Variants in RADX observed in about 807,000 individuals in gnomAD.
RADX encodes the protein RPA1 related single stranded DNA binding protein, X-linked, also known as RPA-related protein RADX.
In RADX, 36 loss-of-function variants were observed where a neutral mutation model predicts 61.6. The ratio of observed to expected loss-of-function variants is 0.58; its 90% CI spans 0.45 to 0.77. RADX has a LOEUF of 0.77. Among genes scored for constraint, RADX ranks in the 30% least tolerant of loss-of-function variants. The pLI, the probability that RADX is intolerant of heterozygous loss-of-function variation, is 0.00. For missense variants in RADX, 497 were observed against 651.1 expected, an observed-to-expected ratio of 0.76 and a Z score of 2.58; for synonymous variants, 272 against 237.9, an observed-to-expected ratio of 1.14 and a Z score of -1.32.
intron 3 of RADX, among the ~76,000 whole-genome samples, chrX:106,626,606 C>A (rs1927079513): frequency 8.9e-6 from 1 of 111,982 alleles, no homozygotes; most frequent in African/African-American, 3.2e-5. Flanking sequence ...AATGGAAACT[C>A]TCTAAGGTAT....
intron 12 of RADX, among the ~76,000 whole-genome samples, 170 bp downstream of exon 12, chrX:106,662,475 T>C (rs1928124414): frequency 9.0e-6 from 1 of 111,227 alleles, no homozygotes; most frequent in African/African-American, 3.3e-5. Flanking sequence ...AATGAAGCTC[T>C]AATTGTGTGC....
At chrX:106,675,849 T>C in intron 13 of RADX, among the ~76,000 whole-genome samples, 1 of 112,140 alleles carries the variant, frequency 8.9e-6, no homozygotes, top group Admixed American at 9.5e-5. Context: ...TTTCCTTAAG[T>C]AAAGATTATC....
rs761156222 is a variant in RADX, at chrX:106,622,679, TG to T, written c.673del (p.Glu225LysfsTer2). Reference sequence around the variant, plus strand: ...CCAAAATAATTTCCCTTTCTCATCTTGAAATGACCTGGACTAACAGAAGAAA... The same window carrying T: ...CCAAAATAATTTCCCTTTCTCATCTTAAATGACCTGGACTAACAGAAGAAA... The part of the protein sequence containing the change: ...DTKIISLSHL[E>X]MTWTNRRNFP... On this transcript the variant is annotated frameshift_variant, in exon 2 of 14. Transcript: ENST00000372548. LOFTEE classifies it high-confidence loss of function. 8.7e-7 allele frequency: 1 copy of T among 1,151,448 alleles called. No individual in the cohort carries two copies. The highest frequency in any genetic ancestry group is 3.0e-5 in the East Asian group (1 of 33,277). 94.9% of individuals were successfully genotyped at this position (1,151,448 alleles called of 1,213,427 possible).
At chrX:106,674,490 G>C (rs1256869820) in intron 13 of RADX, among the ~76,000 whole-genome samples, 2 of 111,802 alleles carry the variant, frequency 1.8e-5, no homozygotes, top group Non-Finnish European at 3.8e-5. Context: ...TTTAACAACA[G>C]CGATCCTAAT....
chrX:106,624,151 T>C (rs1342288412), intron 2 of RADX, among the ~76,000 whole-genome samples: 1 of 111,721 alleles, frequency 9.0e-6, no homozygotes, highest in Non-Finnish European at 1.9e-5. Context: ...TCACTTCTCA[T>C]CAGATTGGCA....
chrX:106,666,312 A>T (rs1270715937), intron 12 of RADX, among the ~76,000 whole-genome samples: 1 of 112,090 alleles, frequency 8.9e-6, no homozygotes. Context: ...TCATCTCCTC[A>T]ATTTTCATTT....
intron 3 of RADX, among the ~76,000 whole-genome samples, chrX:106,630,353 A>C (rs113243317): frequency 0.054 from 5,997 of 110,037 alleles, 405 homozygotes; most frequent in African/African-American, 0.19. Flanking sequence ...AACAAAAAAA[A>C]AAAAAAACAC....
chrX:106,625,364 A>C, intron 3 of RADX, 82 bp downstream of exon 3: 1 of 621,196 alleles, frequency 1.6e-6, no homozygotes, highest in Non-Finnish European at 2.3e-6. Flanking sequence ...AAAAAAGACC[A>C]CAAAAATTAC....
chrX:106,620,620 C>G (rs6622097), intron 1 of RADX, among the ~76,000 whole-genome samples: 11,973 of 109,925 alleles, frequency 0.11, 1,643 homozygotes, highest in African/African-American at 0.38. Flanking sequence ...GTTGCAGTGA[C>G]CTGAGATCAC....
chrX:106,616,013 A>G (rs936048706), intron 1 of RADX, among the ~76,000 whole-genome samples: 6 of 111,607 alleles, frequency 5.4e-5, no homozygotes, highest in Non-Finnish European at 1.1e-4. Flanking sequence ...CTGTACTTAC[A>G]GAAATTATAT....
At chrX:106,636,711 C>T (rs1927367537) in intron 7 of RADX, 64 bp downstream of exon 7, 1 of 558,026 alleles carries the variant, frequency 1.8e-6, no homozygotes, top group African/African-American at 2.4e-5. Flanking sequence ...TCCTTCAGTA[C>T]ATATTAACTT....
At chrX:106,652,531 ACATTCCACTAAGAATACAGTAACAAT>A (rs2147631972) in intron 11 of RADX, among the ~76,000 whole-genome samples, 1 of 110,583 alleles carries the variant, frequency 9.0e-6, no homozygotes, top group African/African-American at 3.3e-5. Context: ...TGATAAATGG[ACATTCCACTAAGAATACAGTAACAAT>A]CATGAATGTG....
Position 106,628,167 on chromosome X carries a change from A to G in RADX, c.979+2885A>G, listed in dbSNP as rs1045999418. ...TGATTAGTTATCTTTTAAAGAGAAA[A>G]AAAAAGGCAGTTATGTAAATCATGT... On this transcript the variant is annotated intron_variant, in intron 3 of 13. Coordinates refer to ENST00000372548, the MANE Select transcript of RADX (RefSeq NM_018015.6). 9.9e-4 allele frequency among the ~76,000 whole-genome samples: 111 copies of G among 111,938 alleles called. 1 individual carries two copies. Among genetic ancestry groups the G allele is most frequent in the African/African-American group, 3.4e-3 (106 of 30,851 alleles).
At chrX:106,625,445 A>G (rs996535736) in intron 3 of RADX, among the ~76,000 whole-genome samples, 163 bp downstream of exon 3, 11 of 111,899 alleles carry the variant, frequency 9.8e-5, no homozygotes, top group Non-Finnish European at 1.7e-4. Flanking sequence ...CACATAACCT[A>G]ATAAATATAC....
chrX:106,672,603 G>A (rs1272433097), intron 13 of RADX, among the ~76,000 whole-genome samples: 2 of 111,466 alleles, frequency 1.8e-5, no homozygotes, highest in Admixed American at 9.5e-5. Flanking sequence ...CTCTGAGTCT[G>A]GCCCAAGGCC....
At chrX:106,636,747 A>T in intron 7 of RADX, 100 bp downstream of exon 7, 1 of 413,034 alleles carries the variant, frequency 2.4e-6, no homozygotes, top group Non-Finnish European at 4.0e-6. Context: ...CAACTACAAG[A>T]TAGCTTTATT....
Position 106,636,626 on chromosome X carries a change from G to C in RADX, c.1387G>C (p.Glu463Gln). 6.0e-6 allele frequency: 7 copies of C among 1,164,396 alleles called. No homozygotes were observed. Among genetic ancestry groups the C allele is most frequent in the Non-Finnish European group, 8.2e-6 (7 of 855,388 alleles). ...PKLLYLTTTN[E>Q]SGVFITGHRG... is the part of the protein sequence containing the mutation. ...GCTGCTTTACCTCACCACTACAAAT[G>C]AGAGTGGAGTGTTTATTACTGGTGA... is the stretch of plus-strand genomic sequence containing the variant. The change falls in exon 7 of 14, where the codon GAG becomes CAG. Residue 463 changes from glutamate (E) to glutamine (Q), a missense_variant. Physicochemically the swap from Glu to Gln is conservative, Grantham distance 29. This residue lies in a region of RADX where 267 missense variants were observed against 306.9 expected (regional missense o/e 0.87). Coordinates refer to ENST00000372548, the MANE Select transcript of RADX (RefSeq NM_018015.6).
chrX:106,656,909 A>G (rs1210066224), intron 11 of RADX, among the ~76,000 whole-genome samples: 1 of 111,927 alleles, frequency 8.9e-6, no homozygotes, highest in Non-Finnish European at 1.9e-5. Flanking sequence ...GTAAATGAGC[A>G]TTGGTTTCAA....
chrX:106,616,802 A>G (rs995094796), intron 1 of RADX, among the ~76,000 whole-genome samples: 3 of 110,401 alleles, frequency 2.7e-5, no homozygotes, highest in Non-Finnish European at 5.7e-5. Flanking sequence ...TGTTGTGATA[A>G]CTTAATGTGC....
Sources: allele counts gnomAD v4.1 joint callset (sites outside exome capture counted in the v4.1 genomes callset), GRCh38; gene constraint gnomAD v4.1.1; regional missense constraint gnomAD v4.1.1; transcripts MANE v1.5; gene names NCBI Gene and HGNC (gene_info 2026-07-23, HGNC 2026-07-21).